Variants in XPO6 observed in about 807,000 individuals in gnomAD.
The protein encoded by XPO6 is exportin-6.
Under a neutral mutation model 130.0 loss-of-function variants are expected in XPO6, and 3 were observed. The observed-to-expected ratio is 0.02, with a 90% CI of 0.01 to 0.06. XPO6 has a LOEUF of 0.06. XPO6 is among the 10% of genes least tolerant of loss of function. The pLI is 1.00. For missense variants in XPO6, 970 were observed against 1,393.0 expected, an observed-to-expected ratio of 0.70 and a Z score of 4.83; for synonymous variants, 524 against 548.9, an observed-to-expected ratio of 0.95 and a Z score of 0.63.
intron 1 of XPO6, among the ~76,000 whole-genome samples, chr16:28,194,460 T>C (rs958418388): frequency 6.6e-6 from 1 of 152,140 alleles, no homozygotes; most frequent in African/African-American, 2.4e-5. Flanking sequence ...ACTTTTTTTC[T>C]TTTTAAAGAA....
chr16:28,134,175 T>C (rs2042730249), intron 10 of XPO6, among the ~76,000 whole-genome samples: 1 of 152,244 alleles, frequency 6.6e-6, no homozygotes, highest in Non-Finnish European at 1.5e-5. Flanking sequence ...CTTTGGGTTA[T>C]AGGATACAGA....
chr16:28,150,532 T>C (rs541691274), intron 8 of XPO6, among the ~76,000 whole-genome samples: 3 of 152,170 alleles, frequency 2.0e-5, no homozygotes, highest in African/African-American at 7.2e-5. Context: ...ACAGAACTAA[T>C]AGAAATAAGC....
At chr16:28,208,551 CCT>C (rs1476106202) in intron 1 of XPO6, among the ~76,000 whole-genome samples, 8 of 152,260 alleles carry the variant, frequency 5.3e-5, no homozygotes, top group South Asian at 4.1e-4. Flanking sequence ...ATGGCCACCC[CCT>C]GTGTACTTAA....
chr16:28,113,942 T>C (rs1013170463), intron 15 of XPO6, among the ~76,000 whole-genome samples: 1 of 152,138 alleles, frequency 6.6e-6, no homozygotes, highest in Non-Finnish European at 1.5e-5. Flanking sequence ...ATTAAAACAA[T>C]ACACTGTTTA....
chr16:28,130,282 G>C (rs2042640240), intron 12 of XPO6, among the ~76,000 whole-genome samples: 1 of 152,218 alleles, frequency 6.6e-6, no homozygotes, highest in South Asian at 2.1e-4. Context: ...ATCGCGGCTG[G>C]CGCCCATTTA....
intron 6 of XPO6, among the ~76,000 whole-genome samples, chr16:28,165,118 G>A (rs2043336500): frequency 6.6e-6 from 1 of 152,188 alleles, no homozygotes; most frequent in Non-Finnish European, 1.5e-5. Flanking sequence ...CTGGGAGGCT[G>A]AAATGGGAGG....
chr16:28,112,895 G>T lies in XPO6; in HGVS notation c.2151+9C>A. 1.2e-6 allele frequency: 2 copies of T among 1,611,210 alleles called. No homozygotes were observed. Among genetic ancestry groups the T allele is most frequent in the East Asian group, 2.2e-5 (1 of 44,764 alleles). On this transcript the variant is annotated intron_variant, in intron 16 of 23. Transcript: ENST00000304658. Reference sequence around the variant, plus strand: ...CCCTGGGGACCCCGGGGGAGCTCTGGGGCCTCACCTTATCGACAAGTCGCA... The same window carrying T: ...CCCTGGGGACCCCGGGGGAGCTCTGTGGCCTCACCTTATCGACAAGTCGCA...
intron 8 of XPO6, among the ~76,000 whole-genome samples, chr16:28,151,770 G>GTTT (rs2043095621): frequency 6.6e-6 from 1 of 152,208 alleles, no homozygotes; most frequent in South Asian, 2.1e-4. Context: ...GCTCACGCCT[G>GTTT]TAACACTGGC....
chr16:28,206,107 T>C (rs182585334), intron 1 of XPO6, among the ~76,000 whole-genome samples: 4 of 148,900 alleles, frequency 2.7e-5, no homozygotes, highest in Non-Finnish European at 5.9e-5. Context: ...CATAGGTTCA[T>C]AGATGTAAGA....
intron 1 of XPO6, among the ~76,000 whole-genome samples, chr16:28,183,635 T>C (rs1201119556): frequency 6.6e-6 from 1 of 152,224 alleles, no homozygotes; most frequent in African/African-American, 2.4e-5. Context: ...AGGCGATCCA[T>C]GTAAAACTGC....
At position 28,106,846 on chromosome 16, in the gene XPO6, A is replaced by C. The variant is rs758806545; in HGVS notation, c.2498-349T>G. ...TGAATGCCAACTGGGTCAACACCTG[A>C]GTGCTTAAGCCATTTCCCCCTATGA... On this transcript the variant is annotated intron_variant, in intron 18 of 23. Coordinates refer to ENST00000304658, the MANE Select transcript of XPO6 (RefSeq NM_015171.4). This position sits in a 1 kb window ranked among gnomAD's most constrained non-coding sequence, Gnocchi z 4.2. Among the ~76,000 whole-genome samples the C allele has an allele frequency of 5.9e-5, 9 of 152,162 alleles. No individual in the cohort carries two copies. Among genetic ancestry groups the C allele is most frequent in the Non-Finnish European group, 8.8e-5 (6 of 68,024 alleles).
intron 6 of XPO6, among the ~76,000 whole-genome samples, chr16:28,162,218 T>C (rs138803406): frequency 2.3e-3 from 346 of 152,216 alleles, no homozygotes; most frequent in African/African-American, 7.2e-3. Context: ...CCTAAAAAGG[T>C]TGGGGTGAGG....
intron 13 of XPO6, among the ~76,000 whole-genome samples, chr16:28,123,825 A>G (rs1314677954): frequency 6.6e-6 from 1 of 152,194 alleles, no homozygotes; most frequent in Non-Finnish European, 1.5e-5. Flanking sequence ...GCTTTGTTTT[A>G]TGTAACCAAT....
At chr16:28,125,585 C>G (rs1265304969) in intron 13 of XPO6, 104 bp downstream of exon 13, 1 of 1,427,180 alleles carries the variant, frequency 7.0e-7, no homozygotes, top group Non-Finnish European at 9.4e-7. Flanking sequence ...TAGATTTACC[C>G]GGGGCCAGAG....
chr16:28,117,838 A>T (rs2087109046), intron 14 of XPO6, among the ~76,000 whole-genome samples: 1 of 152,230 alleles, frequency 6.6e-6, no homozygotes, highest in South Asian at 2.1e-4. Flanking sequence ...TAAAGCGTAG[A>T]CAACTACCAG....
intron 16 of XPO6, 66 bp downstream of exon 16, chr16:28,112,838 T>C: frequency 6.4e-7 from 1 of 1,554,318 alleles, no homozygotes; most frequent in Non-Finnish European, 8.7e-7. Flanking sequence ...CAGACTCTTC[T>C]TCCTCAGCTT....
intron 13 of XPO6, among the ~76,000 whole-genome samples, chr16:28,122,785 T>C (rs1204860173): frequency 1.3e-5 from 2 of 151,918 alleles, no homozygotes; most frequent in Non-Finnish European, 2.9e-5. Flanking sequence ...TGATACATAA[T>C]AAAAAAAATA....
At chr16:28,152,467 C>A (rs577427557) in intron 8 of XPO6, among the ~76,000 whole-genome samples, 192 bp downstream of exon 8, 2 of 152,244 alleles carry the variant, frequency 1.3e-5, no homozygotes, top group African/African-American at 4.8e-5. Context: ...TCTTTACCTG[C>A]AAAACAGAGA....
At chr16:28,211,215 T>C (rs1188332779) in intron 1 of XPO6, 151 bp downstream of exon 1, 1 of 756,068 alleles carries the variant, frequency 1.3e-6, no homozygotes, top group Admixed American at 4.3e-5. Flanking sequence ...GGGCCGGGGC[T>C]GCACACTCTG....
Sources: gnomAD v4.1 joint callset for allele counts (sites outside exome capture counted in the v4.1 genomes callset) on GRCh38, gnomAD v4.1.1 for gene constraint, Gnocchi (gnomAD v3.1) non-coding constraint, MANE v1.5 for transcripts, NCBI Gene and HGNC (gene_info 2026-07-23, HGNC 2026-07-21) for gene names.